DNAH6: variants seen among roughly 807,000 people sequenced by gnomAD.
DNAH6 encodes dynein axonemal heavy chain 6.
DNAH6 carries 340 observed loss-of-function variants against 491.4 expected under a neutral mutation model. That is an observed-to-expected ratio of 0.69 (90% confidence interval 0.63 to 0.76). The LOEUF (loss-of-function observed/expected upper bound fraction) is 0.76, where lower values mean the gene tolerates loss of function less well. Among genes scored for constraint, DNAH6 ranks in the 30% least tolerant of loss-of-function variants. The probability of loss-of-function intolerance (pLI) is 0.00; values close to 1 mark genes in which losing one functional copy is unlikely to be tolerated. For missense variants in DNAH6, 4,443 were observed against 4,972.2 expected (o/e 0.89, Z 3.20); for synonymous variants, 1,603 against 1,686.1 (o/e 0.95, Z 1.21).
the DNAH6 span, among the ~76,000 whole-genome samples, chr2:84,508,347 A>G: frequency 6.6e-6 from 1 of 152,146 alleles, no homozygotes; most frequent in Non-Finnish European, 1.5e-5. Context: ...TTTCTAGTTT[A>G]TTTGCGTAGA....
intron 46 of DNAH6, among the ~76,000 whole-genome samples, chr2:84,696,236 A>G (rs1695368181): frequency 6.6e-6 from 1 of 151,910 alleles, no homozygotes; most frequent in Non-Finnish European, 1.5e-5. Context: ...AAAATTAATC[A>G]TATACTAGAT....
intron 20 of DNAH6, among the ~76,000 whole-genome samples, chr2:84,606,021 C>T (rs1196174461): frequency 6.6e-6 from 1 of 152,162 alleles, no homozygotes; most frequent in South Asian, 2.1e-4. Context: ...GTTTATAGCA[C>T]ACGAAAAGGC....
intron 16 of DNAH6, among the ~76,000 whole-genome samples, chr2:84,592,852 T>A (rs1289871553): frequency 2.6e-5 from 4 of 152,170 alleles, no homozygotes; most frequent in Non-Finnish European, 5.9e-5. Context: ...TACTGCATGA[T>A]CTCATTTATA....
chr2:84,531,354 A>ATT (rs556848790), intron 4 of DNAH6, among the ~76,000 whole-genome samples: 1 of 6,096 alleles, frequency 1.6e-4, no homozygotes, highest in Non-Finnish European at 1.4e-3. Flanking sequence ...ATTTTTTTTT[A>ATT]TTTTTTTTTT....
chr2:84,697,189 AAACT>A (rs1181365276), intron 46 of DNAH6, among the ~76,000 whole-genome samples: 2 of 152,220 alleles, frequency 1.3e-5, no homozygotes, highest in Non-Finnish European at 2.9e-5. Flanking sequence ...ACAAGACTGT[AAACT>A]ATCTCTGTCC....
At chr2:84,471,550 T>C in the DNAH6 span, among the ~76,000 whole-genome samples, 4 of 152,204 alleles carry the variant, frequency 2.6e-5, no homozygotes, top group Non-Finnish European at 5.9e-5. Flanking sequence ...TCAGAAAGCA[T>C]TGGTCCATTA....
At chr2:84,730,445 T>G (rs956946253) in intron 61 of DNAH6, among the ~76,000 whole-genome samples, 6 of 152,188 alleles carry the variant, frequency 3.9e-5, no homozygotes, top group African/African-American at 1.2e-4. Flanking sequence ...AATGATGATA[T>G]TTTAAACAGG....
chr2:84,538,560 G>A (rs1322477918), intron 4 of DNAH6, among the ~76,000 whole-genome samples: 1 of 152,086 alleles, frequency 6.6e-6, no homozygotes, highest in Non-Finnish European at 1.5e-5. Flanking sequence ...ATACCTCAGT[G>A]TTTCCCTATG....
chr2:84,590,940 G>C (rs950338575), intron 16 of DNAH6, among the ~76,000 whole-genome samples: 1 of 152,170 alleles, frequency 6.6e-6, no homozygotes, highest in Admixed American at 6.5e-5. Flanking sequence ...CCCCAGGTTG[G>C]AACCGCTGAG....
At chr2:84,706,843 C>G (rs202006615) in intron 52 of DNAH6, 53 bp from the exon 53 acceptor site, 3 of 1,504,132 alleles carry the variant, frequency 2.0e-6, no homozygotes, top group Admixed American at 5.7e-5. Context: ...TATTAATGGG[C>G]AAATTCAGCC....
At chr2:84,584,304 A>T (rs755476402) in intron 15 of DNAH6, 54 bp downstream of exon 15, 2 of 1,543,304 alleles carry the variant, frequency 1.3e-6, no homozygotes, top group Non-Finnish European at 1.8e-6. Flanking sequence ...TTACTATTAC[A>T]TTTGTTTATT....
rs1056595949 is a variant in DNAH6, at chr2:84,701,136, T to G, written c.7858T>G (p.Phe2620Val). 1.1e-5 allele frequency: 17 copies of G among 1,551,832 alleles called. No homozygotes were observed. The highest frequency in any genetic ancestry group is 3.6e-5 in the South Asian group (3 of 84,056). ...EALLSVSKTFFSQVDAGNEEL... is the reference protein window; with the variant it reads ...EALLSVSKTFVSQVDAGNEEL... The stretch of plus-strand genomic sequence containing the variant: ...ACTTCTTTCTGTGTCAAAGACATTT[T>G]TCTCACAAGTCGATGCTGGAAATGA... The change falls in exon 49 of 77, where the codon TTC becomes GTC. Residue 2620 changes from phenylalanine to valine, a missense_variant. By Grantham distance (50) the Phe-to-Val change is conservative. This residue lies in a region of DNAH6 where 2,977 missense variants were observed against 3,296.6 expected (regional missense o/e 0.90). Coordinates refer to ENST00000389394, the MANE Select transcript of DNAH6 (RefSeq NM_001370.2).
rs115765543 is a variant in DNAH6, at chr2:84,581,748, A to G, written c.2229+2069A>G. The stretch of plus-strand genomic sequence containing the variant: ...ATGAACTCTATGTAGCTAAAGCAGT[A>G]TTTTCAAAGATAGGAGAGAATAAAT... On this transcript the variant is annotated intron_variant, in intron 14 of 76. Coordinates refer to ENST00000389394, the MANE Select transcript of DNAH6 (RefSeq NM_001370.2). 3.2e-3 allele frequency among the ~76,000 whole-genome samples: 483 copies of G among 152,354 alleles called. 1 individual carries two copies. The highest frequency in any genetic ancestry group is 0.011 in the African/African-American group (463 of 41,584).
Position 84,681,379 on chromosome 2 carries a change from G to A in DNAH6, c.6767G>A (p.Ser2256Asn). ...TAGGCCATCTTAAATGGTTTCCTGAGTGACTTTCCACCAGCTGTAAAGCAA... is the reference window on the plus strand; with the variant it reads ...TAGGCCATCTTAAATGGTTTCCTGAATGACTTTCCACCAGCTGTAAAGCAA... Reference protein sequence around the residue: ...IFQAILNGFLSDFPPAVKQTA... With the variant: ...IFQAILNGFLNDFPPAVKQTA... The change falls in exon 42 of 77, where the codon AGT (serine) becomes AAT (asparagine). Residue 2256 changes from serine to asparagine, a missense_variant. By Grantham distance (46) the Ser-to-Asn change is conservative (BLOSUM62 1). Transcript: ENST00000389394. The A allele has an allele frequency of 6.5e-7, 1 of 1,546,030 alleles. No homozygotes were observed. The highest frequency in any genetic ancestry group is 2.0e-5 in the Admixed American group (1 of 50,044).
At chr2:84,629,654 A>G (rs1398489503) in intron 29 of DNAH6, among the ~76,000 whole-genome samples, 7 of 152,278 alleles carry the variant, frequency 4.6e-5, no homozygotes, top group Admixed American at 2.6e-4. Flanking sequence ...GTTAGGTATT[A>G]TCTCTTAGTT....
chr2:84,781,771 G>C, intron 65 of DNAH6, 118 bp downstream of exon 65: 1 of 1,265,186 alleles, frequency 7.9e-7, no homozygotes, highest in South Asian at 2.0e-5. Context: ...ATATGAAAGA[G>C]GAGAAATTTG....
chr2:84,533,027 C>T (rs1025344888), intron 4 of DNAH6, among the ~76,000 whole-genome samples: 1 of 151,788 alleles, frequency 6.6e-6, no homozygotes, highest in African/African-American at 2.4e-5. Flanking sequence ...AATTTTTTTT[C>T]CAATTGTCAC....
At chr2:84,729,061 A>G (rs1698905606) in intron 61 of DNAH6, among the ~76,000 whole-genome samples, 1 of 152,082 alleles carries the variant, frequency 6.6e-6, no homozygotes. Context: ...AAGCCGAGAC[A>G]AGATCTCTCC....
rs574445715 is a variant in DNAH6, at chr2:84,614,626, G to A, written c.3476-2260G>A. Among the ~76,000 whole-genome samples the A allele has an allele frequency of 2.0e-5, 3 of 152,194 alleles. No homozygotes were observed. In the South Asian group the frequency reaches 6.2e-4, roughly 32 times the overall value. On this transcript the variant is annotated intron_variant, in intron 22 of 76. Coordinates refer to ENST00000389394, the MANE Select transcript of DNAH6 (RefSeq NM_001370.2). ...ATTCTCCACACTGTTTTCCATAGTG[G>A]CTGTCTTAGTTTACATTCCCACCAG...
Sources: allele counts gnomAD v4.1 joint callset (sites outside exome capture counted in the v4.1 genomes callset), GRCh38; gene constraint gnomAD v4.1.1; regional missense constraint gnomAD v4.1.1; transcripts MANE v1.5; gene names NCBI Gene and HGNC (gene_info 2026-07-23, HGNC 2026-07-21).